TANC2: variants seen among roughly 807,000 people sequenced by gnomAD.
TANC2 encodes the protein protein TANC2.
A neutral mutation model predicts 210.5 loss-of-function variants in TANC2; 26 were observed. That is an observed-to-expected ratio of 0.12 (90% confidence interval 0.09 to 0.17). TANC2 has a LOEUF of 0.17. Among genes scored for constraint, TANC2 ranks in the 10% least tolerant of loss-of-function variants. TANC2 has a pLI of 1.00. For synonymous variants in TANC2, 931 were observed against 967.1 expected, an observed-to-expected ratio of 0.96 and a Z score of 0.69; for missense variants, 2,129 against 2,608.9, an observed-to-expected ratio of 0.82 and a Z score of 4.01.
chr17:63,309,205 T>G (rs1160691421), intron 9 of TANC2, among the ~76,000 whole-genome samples: 1 of 152,146 alleles, frequency 6.6e-6, no homozygotes, highest in Admixed American at 6.5e-5. Context: ...GTGTGTGTGT[T>G]TGCACTTTTC....
intron 2 of TANC2, among the ~76,000 whole-genome samples, chr17:63,013,276 G>A (rs1021270548): frequency 1.3e-5 from 2 of 151,954 alleles, no homozygotes; most frequent in African/African-American, 4.8e-5. Context: ...ATTCTAGGGT[G>A]CAGTTATTTT....
intron 2 of TANC2, among the ~76,000 whole-genome samples, chr17:63,041,034 G>GCTGC (rs1317046887): frequency 3.9e-5 from 6 of 152,110 alleles, no homozygotes; most frequent in African/African-American, 1.4e-4. Context: ...TGGCTGGCTG[G>GCTGC]CTGCCACTGT....
chr17:63,203,336 A>C (rs2041596778), intron 7 of TANC2, among the ~76,000 whole-genome samples: 1 of 152,206 alleles, frequency 6.6e-6, no homozygotes, highest in South Asian at 2.1e-4. Flanking sequence ...TTATCCTACT[A>C]AATATGAATA....
chr17:63,013,542 A>C (rs559320080), intron 2 of TANC2, among the ~76,000 whole-genome samples: 2 of 152,224 alleles, frequency 1.3e-5, no homozygotes, highest in Non-Finnish European at 2.9e-5. Flanking sequence ...CAGGCGGATC[A>C]CTTGAGGCCA....
At chr17:63,211,633 T>G (rs1395898158) in intron 7 of TANC2, among the ~76,000 whole-genome samples, 1 of 152,206 alleles carries the variant, frequency 6.6e-6, no homozygotes, top group Non-Finnish European at 1.5e-5. Flanking sequence ...CAGTAATACC[T>G]GTGCCTATCT....
intron 19 of TANC2, among the ~76,000 whole-genome samples, chr17:63,402,357 AT>A (rs1386557432): frequency 6.6e-6 from 1 of 152,182 alleles, no homozygotes; most frequent in African/African-American, 2.4e-5. Context: ...CTATATTAAC[AT>A]ATTCGTCTGT....
intron 4 of TANC2, among the ~76,000 whole-genome samples, chr17:63,124,330 G>A (rs1173859763): frequency 6.6e-6 from 1 of 152,078 alleles, no homozygotes. Context: ...TGAATAAGGA[G>A]CAGTATGAAA....
At chr17:63,044,249 A>C (rs1054477071) in intron 2 of TANC2, among the ~76,000 whole-genome samples, 4 of 152,194 alleles carry the variant, frequency 2.6e-5, no homozygotes, top group African/African-American at 9.6e-5. Context: ...ATTTGATTTT[A>C]AAAGATTAAT....
intron 5 of TANC2, among the ~76,000 whole-genome samples, chr17:63,179,697 T>A (rs2040712603): frequency 6.6e-6 from 1 of 152,144 alleles, no homozygotes; most frequent in Non-Finnish European, 1.5e-5. Flanking sequence ...CTCTGCTCTT[T>A]TTCCCTGACT....
chr17:63,319,095 A>G lies in TANC2; in HGVS notation c.1575+5A>G. The G allele has an allele frequency of 6.2e-7, 1 of 1,610,166 alleles. No individual in the cohort carries two copies. The highest frequency in any genetic ancestry group is 8.5e-7 in the Non-Finnish European group (1 of 1,178,078). On this transcript the variant is annotated splice_donor_5th_base_variant and intron_variant, in intron 11 of 27. Coordinates refer to ENST00000689528, the Ensembl canonical transcript of TANC2. ...ATGCGAAGACTAGCCTCGCAGGTAC[A>G]ATATGATTCCCACGTTGGGGATATG... is the stretch of plus-strand genomic sequence containing the variant.
chr17:63,220,535 C>G (rs1453260657), intron 7 of TANC2, among the ~76,000 whole-genome samples: 1 of 151,084 alleles, frequency 6.6e-6, no homozygotes, highest in African/African-American at 2.4e-5. Context: ...AACCCCGTCT[C>G]TACTAAAAAT....
At chr17:63,422,043 T>C in exon 28 of TANC2, 2 of 1,469,448 alleles carry the variant, frequency 1.4e-6, no homozygotes, top group Non-Finnish European at 1.8e-6. Flanking sequence ...TCTGGCTTAA[T>C]TTCTCATGTA....
intron 8 of TANC2, among the ~76,000 whole-genome samples, chr17:63,248,090 C>G (rs73325705): frequency 6.6e-6 from 1 of 152,040 alleles, no homozygotes; most frequent in South Asian, 2.1e-4. Context: ...TTTGATAAAA[C>G]CACAACCTCT....
chr17:63,085,605 A>G (rs2036931095), intron 3 of TANC2, among the ~76,000 whole-genome samples: 1 of 151,996 alleles, frequency 6.6e-6, no homozygotes, highest in South Asian at 2.1e-4. Flanking sequence ...AAATATCCCT[A>G]ATTCCTCCCT....
intron 3 of TANC2, among the ~76,000 whole-genome samples, chr17:63,085,166 C>T (rs1367325331): frequency 6.6e-6 from 1 of 152,162 alleles, no homozygotes; most frequent in African/African-American, 2.4e-5. Flanking sequence ...TTGTTACATA[C>T]TCATCAGTCA....
chr17:63,326,176 T>C (rs1215502977), intron 11 of TANC2, among the ~76,000 whole-genome samples: 1 of 152,210 alleles, frequency 6.6e-6, no homozygotes, highest in Non-Finnish European at 1.5e-5. Context: ...GGTGTGTTTC[T>C]AGTATGTGAA....
At chr17:63,251,715 C>T (rs2043058549) in intron 8 of TANC2, among the ~76,000 whole-genome samples, 1 of 152,134 alleles carries the variant, frequency 6.6e-6, no homozygotes. Context: ...AGAGCTATTG[C>T]ATTTGATATT....
chr17:63,230,027 C>A (rs1327276434), intron 7 of TANC2, among the ~76,000 whole-genome samples: 1 of 152,084 alleles, frequency 6.6e-6, no homozygotes, highest in Non-Finnish European at 1.5e-5. Flanking sequence ...AACTCCTGAC[C>A]TTAAGTGATC....
At chr17:63,049,750 A>T (rs2035511088) in intron 2 of TANC2, among the ~76,000 whole-genome samples, 1 of 152,162 alleles carries the variant, frequency 6.6e-6, no homozygotes, top group Non-Finnish European at 1.5e-5. Context: ...TATTGAGAAT[A>T]GATTGAAGCT....
Sources: allele counts gnomAD v4.1 joint callset (sites outside exome capture counted in the v4.1 genomes callset), GRCh38; gene constraint gnomAD v4.1.1; transcripts MANE v1.5; gene names NCBI Gene and HGNC (gene_info 2026-07-23, HGNC 2026-07-21).